Variants in CPM observed in about 807,000 individuals in gnomAD.
CPM encodes the protein renal carboxypeptidase.
In CPM, 35 loss-of-function variants were observed where a neutral mutation model predicts 46.4. The ratio of observed to expected loss-of-function variants is 0.75; its 90% CI spans 0.58 to 1.00. CPM has a LOEUF of 1.00. CPM is among the 50% of genes least tolerant of loss of function. The pLI, the probability that CPM is intolerant of heterozygous loss-of-function variation, is 0.00. For missense variants in CPM, 422 were observed against 530.4 expected (o/e 0.80, Z 2.01); for synonymous variants, 195 against 195.3 (o/e 1.00, Z 0.01).
chr12:68,884,108 C>T (rs1391512548), intron 3 of CPM, among the ~76,000 whole-genome samples: 29 of 41,526 alleles, frequency 7.0e-4, no homozygotes, highest in African/African-American at 2.3e-3. Context: ...GAAATTCCAT[C>T]GGAAAAAAAA....
intron 5 of CPM, chr12:68,842,464 G>A (rs1883856305): frequency 4.8e-6 from 2 of 416,778 alleles, no homozygotes; most frequent in African/African-American, 2.1e-5. Flanking sequence ...CTAAATTATT[G>A]ACTTATTTTT....
intron 2 of CPM, among the ~76,000 whole-genome samples, chr12:68,891,433 C>A (rs529046934): frequency 1.3e-5 from 2 of 152,164 alleles, no homozygotes; most frequent in African/African-American, 4.8e-5. Flanking sequence ...AAGGCATGGG[C>A]GAAGTTTCCA....
intron 1 of CPM, among the ~76,000 whole-genome samples, chr12:68,955,567 C>A (rs1592716682): frequency 1.3e-5 from 2 of 152,182 alleles, no homozygotes; most frequent in South Asian, 4.2e-4. Flanking sequence ...CTTGGTGGGT[C>A]CTGAGTTCTT....
At chr12:68,842,257 T>C (rs1295748775) in exon 6 of CPM, 3 of 496,888 alleles carry the variant, frequency 6.0e-6, no homozygotes, top group Non-Finnish European at 1.2e-5. Context: ...GAAAAAGGAC[T>C]ACGGAAAGTT....
chr12:68,882,838 C>G (rs1886254199), intron 3 of CPM, among the ~76,000 whole-genome samples: 1 of 152,092 alleles, frequency 6.6e-6, no homozygotes, highest in Non-Finnish European at 1.5e-5. Flanking sequence ...TTTTCATATG[C>G]TTTTTGGCCA....
At chr12:68,862,077 A>G (rs542492474) in intron 7 of CPM, among the ~76,000 whole-genome samples, 4 of 141,756 alleles carry the variant, frequency 2.8e-5, no homozygotes, top group Admixed American at 2.8e-4. Flanking sequence ...ACACCTACGT[A>G]TCAGTGTGTG....
At chr12:68,901,218 A>G (rs1887098436) in intron 2 of CPM, among the ~76,000 whole-genome samples, 1 of 152,186 alleles carries the variant, frequency 6.6e-6, no homozygotes, top group African/African-American at 2.4e-5. Flanking sequence ...CTCTAAGAAA[A>G]TAAAGTCTTA....
intron 1 of CPM, among the ~76,000 whole-genome samples, chr12:68,958,863 C>T (rs1889068182): frequency 1.3e-5 from 2 of 152,270 alleles, no homozygotes; most frequent in South Asian, 4.2e-4. Flanking sequence ...GCCACACGTG[C>T]CCTGAACACA....
At chr12:68,908,017 C>G (rs144388854) in intron 2 of CPM, among the ~76,000 whole-genome samples, 1 of 152,004 alleles carries the variant, frequency 6.6e-6, no homozygotes, top group Non-Finnish European at 1.5e-5. Context: ...TTAGTAGAGA[C>G]GAGGTTTCAC....
At chr12:68,892,399 G>A (rs1055621124) in intron 2 of CPM, among the ~76,000 whole-genome samples, 3 of 152,156 alleles carry the variant, frequency 2.0e-5, no homozygotes, top group African/African-American at 7.2e-5. Flanking sequence ...GGTTTTATTT[G>A]ATTAGCTGGT....
At chr12:68,848,357 G>T (rs1884473319), downstream of CPM, 1 of 152,292 alleles carries the variant, frequency 6.6e-6, no homozygotes, top group Admixed American at 6.5e-5. Context: ...TGGAGATGGG[G>T]TTTTGCCATG....
exon 1 of CPM, chr12:68,963,173 T>C (rs1379065057): frequency 1.8e-5 from 3 of 168,682 alleles, no homozygotes; most frequent in Non-Finnish European, 3.7e-5. Context: ...ACCTACCTTG[T>C]TTGATTGTAG....
intron 1 of CPM, among the ~76,000 whole-genome samples, chr12:68,950,171 T>C (rs1888912107): frequency 1.3e-5 from 2 of 152,048 alleles, no homozygotes; most frequent in Admixed American, 1.3e-4. Flanking sequence ...TAAAAGAAGG[T>C]GAATAACTGC....
intron 1 of CPM, among the ~76,000 whole-genome samples, chr12:68,943,324 A>G (rs888738820): frequency 6.6e-6 from 1 of 152,208 alleles, no homozygotes; most frequent in Non-Finnish European, 1.5e-5. Flanking sequence ...TAACATATAC[A>G]AAGAGTTTAG....
chr12:68,917,685 A>G (rs1208276223), intron 2 of CPM, among the ~76,000 whole-genome samples: 1 of 152,226 alleles, frequency 6.6e-6, no homozygotes, highest in African/African-American at 2.4e-5. Context: ...CCCTCAAGGC[A>G]GTGGTCAAAA....
intron 2 of CPM, among the ~76,000 whole-genome samples, chr12:68,908,020 G>A (rs1248824666): frequency 6.6e-6 from 1 of 152,118 alleles, no homozygotes; most frequent in Non-Finnish European, 1.5e-5. Flanking sequence ...GTAGAGACGA[G>A]GTTTCACCAT....
At chr12:68,923,813 T>G (rs560076452) in intron 2 of CPM, among the ~76,000 whole-genome samples, 18 of 152,336 alleles carry the variant, frequency 1.2e-4, no homozygotes, top group African/African-American at 4.3e-4. Context: ...GTTGTCAGGA[T>G]TCTCTGAATA....
At chr12:68,880,883 G>C (rs180871594) in intron 3 of CPM, among the ~76,000 whole-genome samples, 1 of 152,324 alleles carries the variant, frequency 6.6e-6, no homozygotes. Context: ...TAGTGAGCCT[G>C]TGCCATAGAA....
In CPM at chr12:68,856,147, C is replaced by T. The variant is rs113194580; in HGVS notation, c.*290G>A. On this transcript the variant is annotated 3_prime_UTR_variant, in exon 9 of 9. Coordinates refer to ENST00000551568, the MANE Select transcript of CPM (RefSeq NM_198320.5). ...TTTTTGCAGGCATTTTTTTGCTTCT[C>T]AAGTTTTAACTTCTTACACATTTTA... The T allele has an allele frequency of 1.5e-3, 509 of 338,668 alleles. 4 individuals are homozygous for T. Among genetic ancestry groups the T allele is most frequent in the African/African-American group, 9.8e-3 (476 of 48,480 alleles). The allele number at this position is 338,668 out of a possible 1,614,324, so 21.0% of individuals were successfully genotyped here. A position where few individuals can be genotyped will look rare whatever the true frequency, so the allele number is the denominator to read the frequency against.
Sources: gnomAD v4.1 joint callset for allele counts (sites outside exome capture counted in the v4.1 genomes callset) on GRCh38, gnomAD v4.1.1 for gene constraint, MANE v1.5 for transcripts, NCBI Gene and HGNC (gene_info 2026-07-23, HGNC 2026-07-21) for gene names.